The following PTK7 variants were observed in gnomAD, a reference collection of about 807,000 sequenced individuals.
PTK7 encodes inactive tyrosine-protein kinase 7.
A neutral mutation model predicts 116.6 loss-of-function variants in PTK7; 39 were observed. The observed-to-expected ratio is 0.33, with a 90% CI of 0.26 to 0.44. The LOEUF is 0.44. Ranked by LOEUF, PTK7 falls within the 20% of genes least tolerant of loss-of-function variation. The pLI, the probability that PTK7 is intolerant of heterozygous loss-of-function variation, is 1.00. For synonymous variants in PTK7, 546 were observed against 563.6 expected (o/e 0.97, Z 0.44); for missense variants, 1,169 against 1,425.6 (o/e 0.82, Z 2.90).
In PTK7 at chr6:43,129,000, A is replaced by G; in HGVS notation, c.103A>G (p.Ile35Val). ...AGGTACCCAGACAGCCATTGTCTTC[A>G]TCAAGCAGCCGTCCTCCCAGGATGC... ...LGGTQTAIVFIKQPSSQDALQ... is the reference protein window; with the variant it reads ...LGGTQTAIVFVKQPSSQDALQ... Residue 35 changes from isoleucine (I) to valine (V), a missense_variant, in exon 2 of 20, where the codon ATC (isoleucine) becomes GTC (valine). Physicochemically the swap from Ile to Val is conservative, Grantham distance 29. Around this residue, in one of 3 missense-constraint regions of PTK7, gnomAD observed 487 missense variants for 549.8 expected, o/e 0.89. Coordinates refer to ENST00000230419, the MANE Select transcript of PTK7 (RefSeq NM_002821.5). The G allele has an allele frequency of 1.2e-6, 2 of 1,611,452 alleles. No individual in the cohort carries two copies. The highest frequency in any genetic ancestry group is 1.7e-6 in the Non-Finnish European group (2 of 1,178,252).
rs755329202 is a variant in PTK7 at position 43,142,295 on chromosome 6, C to T, written c.2043C>T (p.Val681=). 7.4e-6 allele frequency: 12 copies of T among 1,614,146 alleles called. No homozygotes were observed. The highest frequency in any genetic ancestry group is 2.2e-5 in the South Asian group (2 of 91,082). The change falls in exon 13 of 20, where the codon GTC becomes GTT. Residue 681 remains valine, a synonymous_variant. Transcript: ENST00000230419. ...NIKHTEAPLY[V]VDKPVPEESE... ...AGCACACGGAGGCCCCCCTCTATGT[C>T]GTGGGTATGGGCTGGGGAGGGTTAT...
rs1299320575 is a variant in PTK7, at chr6:43,161,504, C to T, written c.*623C>T. The stretch of plus-strand genomic sequence containing the variant: ...TCAGGAGCTTTTGACACTATATAAA[C>T]CGCCCTTTTTGTATGCACCACGGGC... On this transcript the variant is annotated 3_prime_UTR_variant, in exon 20 of 20. Transcript: ENST00000230419. 1 of 151,866 alleles carries T rather than the reference C, an allele frequency of 6.6e-6. No individual in the cohort carries two copies. Among genetic ancestry groups the T allele is most frequent in the Admixed American group, 6.6e-5 (1 of 15,220 alleles). The allele number at this position is 151,866 out of a possible 1,614,324, so 9.4% of individuals were successfully genotyped here. A position where few individuals can be genotyped will look rare whatever the true frequency, so the allele number is the denominator to read the frequency against.
At chr6:43,115,927 CAAA>C (rs886959744) in intron 1 of PTK7, among the ~76,000 whole-genome samples, 5 of 27,318 alleles carry the variant, frequency 1.8e-4, no homozygotes, top group African/African-American at 3.1e-4. Context: ...GACTCCATCT[CAAA>C]AAAAAAAAAA....
rs55881638 is a variant in PTK7 at position 43,146,666 on chromosome 6, T to C, written c.2689T>C (p.Leu897=). The C allele has an allele frequency of 8.7e-6, 14 of 1,613,164 alleles. No individual in the cohort carries two copies. The highest frequency in any genetic ancestry group is 1.1e-5 in the Non-Finnish European group (13 of 1,179,866). ...GATTTCCAAGAGCAAGGATGAAAAATTGAAGTCACAGCCCCTCAGCACCAA... is the reference window on the plus strand; with the variant it reads ...GATTTCCAAGAGCAAGGATGAAAAACTGAAGTCACAGCCCCTCAGCACCAA... ...LRISKSKDEK[L]KSQPLSTKQK... The change falls in exon 17 of 20, where the codon TTG becomes CTG. Residue 897 remains leucine, a synonymous_variant. Coordinates refer to ENST00000230419, the MANE Select transcript of PTK7 (RefSeq NM_002821.5).
At position 43,129,341 on chromosome 6, in the gene PTK7, C is replaced by A. The variant is rs780521401; in HGVS notation, c.367+77C>A. On this transcript the variant is annotated intron_variant, in intron 2 of 19. Coordinates refer to ENST00000230419, the MANE Select transcript of PTK7 (RefSeq NM_002821.5). The surrounding 1 kb of genome is among the most constrained non-coding windows in gnomAD (Gnocchi z 4.5). ...GAGGCCTGGGGGATCCCTCCCTTAC[C>A]TCAGCTTCTCCCATTTCCAGTTAAA... 3.9e-6 allele frequency: 6 copies of A among 1,525,042 alleles called. No individual in the cohort carries two copies. The African/African-American group carries it at 6.9e-5, about 17-fold the overall frequency. The allele number at this position is 1,525,042 out of a possible 1,614,324, so 94.5% of individuals were successfully genotyped here.
At chr6:43,080,121 G>A (rs1766292859) in intron 1 of PTK7, among the ~76,000 whole-genome samples, 1 of 151,798 alleles carries the variant, frequency 6.6e-6, no homozygotes, top group Non-Finnish European at 1.5e-5. Context: ...GGGAGGCTGA[G>A]GTGGGCGGAT....
intron 17 of PTK7, among the ~76,000 whole-genome samples, chr6:43,147,762 C>T (rs939406757): frequency 1.3e-5 from 2 of 152,232 alleles, no homozygotes; most frequent in Non-Finnish European, 1.5e-5. Context: ...CCAGACAGGA[C>T]AAGTGACCTG....
intron 1 of PTK7, among the ~76,000 whole-genome samples, chr6:43,124,944 G>A (rs551562192): frequency 3.9e-5 from 6 of 152,064 alleles, no homozygotes; most frequent in Admixed American, 1.3e-4. Context: ...AGGCCGAGGC[G>A]GGTGGATCAC....
At chr6:43,089,417 T>A (rs1176405860) in intron 1 of PTK7, among the ~76,000 whole-genome samples, 1 of 151,862 alleles carries the variant, frequency 6.6e-6, no homozygotes, top group Non-Finnish European at 1.5e-5. Flanking sequence ...GGCCAACAGA[T>A]CCTTAGAGAG....
Position 43,132,169 on chromosome 6 carries a change from G to A in PTK7, c.961+5G>A, listed in dbSNP as rs1769726137. On this transcript the variant is annotated splice_donor_5th_base_variant and intron_variant, in intron 6 of 19. Coordinates refer to ENST00000230419, the MANE Select transcript of PTK7 (RefSeq NM_002821.5). ...AAGCCACACTTCACCTAGCAGGTGA[G>A]TCTCTGGGTCTGGGGTGCTGATGTG... 1.2e-6 allele frequency: 2 copies of A among 1,606,072 alleles called. No individual in the cohort carries two copies. Among genetic ancestry groups the A allele is most frequent in the Non-Finnish European group, 1.7e-6 (2 of 1,174,068 alleles).
chr6:43,155,166 A>G lies in PTK7; in HGVS notation c.2722-3651A>G, dbSNP rs570882347. ...GTTATATTCCACCAACATCCACTGTATATGGCACGTGGTAGATACTCAAAT... is the reference window on the plus strand; with the variant it reads ...GTTATATTCCACCAACATCCACTGTGTATGGCACGTGGTAGATACTCAAAT... On this transcript the variant is annotated intron_variant, in intron 17 of 19. Coordinates refer to ENST00000230419, the MANE Select transcript of PTK7 (RefSeq NM_002821.5). Among the ~76,000 whole-genome samples the G allele has an allele frequency of 1.1e-3, 167 of 152,002 alleles. 5 individuals are homozygous for G. In the South Asian group the frequency reaches 0.034, roughly 31 times the overall value.
rs772076992 is a variant in PTK7, at chr6:43,143,182, T to A, written c.2048-235T>A. On this transcript the variant is annotated intron_variant, in intron 13 of 19. Coordinates refer to ENST00000230419, the MANE Select transcript of PTK7 (RefSeq NM_002821.5). The surrounding 1 kb of genome is among the most constrained non-coding windows in gnomAD (Gnocchi z 4.2). ...GGTGTGCTTATCCGTGTCGCCTGTC[T>A]TGGCTTCCGATGCAAAGCCAGCTTG... is the stretch of plus-strand genomic sequence containing the variant. The A allele has an allele frequency of 9.9e-6, 5 of 506,668 alleles. No homozygotes were observed. The highest frequency in any genetic ancestry group is 3.6e-5 in the Admixed American group (1 of 28,082). The allele number at this position is 506,668 out of a possible 1,614,324, so 31.4% of individuals were successfully genotyped here. A position where few individuals can be genotyped will look rare whatever the true frequency, so the allele number is the denominator to read the frequency against.
intron 1 of PTK7, among the ~76,000 whole-genome samples, chr6:43,091,652 T>C (rs530039743): frequency 1.3e-5 from 2 of 152,306 alleles, no homozygotes; most frequent in East Asian, 3.9e-4. Context: ...GTGGTTTCAT[T>C]TTCTGTGGTT....
chr6:43,111,948 C>G (rs543017923), intron 1 of PTK7, among the ~76,000 whole-genome samples: 6 of 151,726 alleles, frequency 4.0e-5, no homozygotes, highest in African/African-American at 1.5e-4. Context: ...TCCCAAAGTG[C>G]TGGGATTACA....
rs113030177 is a variant in PTK7, at chr6:43,143,203, G to T, written c.2048-214G>T. ...TGTCTTGGCTTCCGATGCAAAGCCA[G>T]CTTGGGAACCCCTGGCCTCATCTCC... is the stretch of plus-strand genomic sequence containing the variant. On this transcript the variant is annotated intron_variant, in intron 13 of 19. Coordinates refer to ENST00000230419, the MANE Select transcript of PTK7 (RefSeq NM_002821.5). The surrounding 1 kb of genome is among the most constrained non-coding windows in gnomAD (Gnocchi z 4.2). The T allele has an allele frequency of 7.6e-6, 4 of 524,970 alleles. No individual in the cohort carries two copies. The African/African-American group carries it at 7.7e-5, about 10-fold the overall frequency. The allele number at this position is 524,970 out of a possible 1,614,324, so 32.5% of individuals were successfully genotyped here.
At chr6:43,123,291 T>A (rs1425358452) in intron 1 of PTK7, among the ~76,000 whole-genome samples, 1 of 152,152 alleles carries the variant, frequency 6.6e-6, no homozygotes, top group African/African-American at 2.4e-5. Context: ...AGAAGTTGAT[T>A]GATAGAATCA....
At position 43,160,827 on chromosome 6, in the gene PTK7, C is replaced by T. The variant is rs1771805681; in HGVS notation, c.3159C>T (p.Ser1053=). 1 of 1,614,164 alleles carries T rather than the reference C, an allele frequency of 6.2e-7. No individual in the cohort carries two copies. The highest frequency in any genetic ancestry group is 2.2e-5 in the East Asian group (1 of 44,874). ...CCCTCAGCCCCAAGGACCGGCCCTC[C>T]TTCAGTGAGATTGCCAGCGCCCTGG... The part of the protein sequence containing the change: ...CWALSPKDRP[S]FSEIASALGD... The change falls in exon 20 of 20, where the codon TCC becomes TCT. Residue 1053 remains serine (S), a synonymous_variant. Transcript: ENST00000230419.
Position 43,139,917 on chromosome 6 carries a change from C to T in PTK7, c.1618+392C>T, listed in dbSNP as rs986757431. ...TCACTTGAGGCCAGGAGTTTGAGAC[C>T]AGCCTGGCCAACATGGTGAAACCCC... On this transcript the variant is annotated intron_variant, in intron 10 of 19. Transcript: ENST00000230419. The surrounding 1 kb of genome is among the most constrained non-coding windows in gnomAD (Gnocchi z 4.6). Among the ~76,000 whole-genome samples the T allele has an allele frequency of 6.6e-6, 1 of 151,030 alleles. No homozygotes were observed. Among genetic ancestry groups the T allele is most frequent in the Non-Finnish European group, 1.5e-5 (1 of 67,894 alleles).
At chr6:43,082,066 G>C (rs140927825) in intron 1 of PTK7, among the ~76,000 whole-genome samples, 1 of 152,202 alleles carries the variant, frequency 6.6e-6, no homozygotes, top group South Asian at 2.1e-4. Flanking sequence ...CTTCCTCAGA[G>C]AACTGGGTAG....
Sources: allele counts gnomAD v4.1 joint callset (sites outside exome capture counted in the v4.1 genomes callset), GRCh38; gene constraint gnomAD v4.1.1; regional missense constraint gnomAD v4.1.1; non-coding constraint Gnocchi (gnomAD v3.1); transcripts MANE v1.5; gene names NCBI Gene and HGNC (gene_info 2026-07-23, HGNC 2026-07-21).